The following SDK1 variants were observed in gnomAD, a reference collection of about 807,000 sequenced individuals.
SDK1 encodes sidekick cell adhesion molecule 1.
A neutral mutation model predicts 245.5 loss-of-function variants in SDK1; 157 were observed. The ratio of observed to expected loss-of-function variants is 0.64; its 90% CI spans 0.56 to 0.73. SDK1 has a LOEUF of 0.73. Among genes scored for constraint, SDK1 ranks in the 30% least tolerant of loss-of-function variants. SDK1 has a pLI of 0.00. For missense variants in SDK1, 3,583 were observed against 3,002.3 expected (o/e 1.19, Z -4.52); for synonymous variants, 1,647 against 1,278.5 (o/e 1.29, Z -6.15).
chr7:3,534,485 G>C (rs1453262204), intron 1 of SDK1, among the ~76,000 whole-genome samples: 1 of 152,062 alleles, frequency 6.6e-6, no homozygotes, highest in African/African-American at 2.4e-5. Context: ...CGGTTGTACA[G>C]TTTTGCATTC....
chr7:3,570,671 G>A (rs10227320), intron 1 of SDK1, among the ~76,000 whole-genome samples: 90,254 of 152,070 alleles, frequency 0.59, 27,236 homozygotes, highest in South Asian at 0.72. Flanking sequence ...TTATGTCACA[G>A]TCGCAGATGG....
At chr7:3,354,243 C>T (rs939884933) in intron 1 of SDK1, among the ~76,000 whole-genome samples, 1 of 151,828 alleles carries the variant, frequency 6.6e-6, no homozygotes, top group African/African-American at 2.4e-5. Context: ...CATGATCTGC[C>T]TGCCTTGGCC....
intron 1 of SDK1, among the ~76,000 whole-genome samples, chr7:3,484,046 T>G (rs1781600083): frequency 6.6e-6 from 1 of 152,208 alleles, no homozygotes; most frequent in Non-Finnish European, 1.5e-5. Context: ...CATTTATCAT[T>G]TCTGTGTGTT....
chr7:3,447,699 C>CT (rs56137514), intron 1 of SDK1, among the ~76,000 whole-genome samples: 2,098 of 89,512 alleles, frequency 0.023, 44 homozygotes, highest in East Asian at 0.061. Context: ...GCTTATATAT[C>CT]TTTTTTTTTT....
intron 5 of SDK1, among the ~76,000 whole-genome samples, chr7:3,926,160 A>G (rs1161120141): frequency 6.6e-6 from 1 of 152,182 alleles, no homozygotes; most frequent in African/African-American, 2.4e-5. Flanking sequence ...CTACAGAAGC[A>G]TGCATTCCCG....
Position 4,265,881 on chromosome 7 carries a change from A to G in SDK1, c.*497A>G, listed in dbSNP as rs1228233509. ...GCGGCTCCTGGGGTTTGAAGAGCAA[A>G]CGTTTTTCCCTGGGCTCAGTGCGTT... is the stretch of plus-strand genomic sequence containing the variant. On this transcript the variant is annotated 3_prime_UTR_variant, in exon 45 of 45. Coordinates refer to ENST00000404826, the MANE Select transcript of SDK1 (RefSeq NM_152744.4). 8.1e-6 allele frequency: 8 copies of G among 987,188 alleles called. No homozygotes were observed. Among genetic ancestry groups the G allele is most frequent in the Non-Finnish European group, 8.4e-6 (7 of 831,414 alleles). 61.2% of individuals were successfully genotyped at this position (987,188 alleles called of 1,614,324 possible).
rs199532162 is a variant in SDK1, at chr7:3,387,252, G to T, written c.298+85368G>T. Among the ~76,000 whole-genome samples, 74 of 152,120 alleles carry T rather than the reference G, an allele frequency of 4.9e-4. 1 individual carries two copies. The East Asian group carries it at 9.7e-3, about 20-fold the overall frequency. On this transcript the variant is annotated intron_variant, in intron 1 of 44. Coordinates refer to ENST00000404826, the MANE Select transcript of SDK1 (RefSeq NM_152744.4). ...CTAGTTCTCCCTTTACCTTCAGAAG[G>T]CATAGAGCACCTTTAATAGCCCTCC...
chr7:3,508,014 C>T (rs1782449259), intron 1 of SDK1, among the ~76,000 whole-genome samples: 1 of 152,124 alleles, frequency 6.6e-6, no homozygotes, highest in African/African-American at 2.4e-5. Context: ...TTCCTGACCC[C>T]ATATTTTCTA....
At chr7:3,764,354 G>A (rs1050481063) in intron 4 of SDK1, among the ~76,000 whole-genome samples, 4 of 151,988 alleles carry the variant, frequency 2.6e-5, no homozygotes, top group Non-Finnish European at 5.9e-5. Context: ...TTTAATCATG[G>A]CCCTATTATT....
chr7:4,242,472 C>T (rs1562473245), intron 43 of SDK1, among the ~76,000 whole-genome samples: 1 of 152,108 alleles, frequency 6.6e-6, no homozygotes. Flanking sequence ...GTTTCCCAAA[C>T]AAGAGAGGGG....
chr7:4,108,158 C>G (rs1457860120), intron 22 of SDK1, among the ~76,000 whole-genome samples: 1 of 152,152 alleles, frequency 6.6e-6, no homozygotes, highest in Non-Finnish European at 1.5e-5. Flanking sequence ...TGGTTCCAGT[C>G]TCAGCATTGT....
chr7:4,235,979 C>G (rs1786139573), intron 41 of SDK1, among the ~76,000 whole-genome samples: 1 of 152,260 alleles, frequency 6.6e-6, no homozygotes, highest in Admixed American at 6.5e-5. Flanking sequence ...ATGCGTCAGA[C>G]TTGCCGCATG....
At chr7:3,504,265 C>CGTCGTT (rs559796677) in intron 1 of SDK1, among the ~76,000 whole-genome samples, 31 of 146,544 alleles carry the variant, frequency 2.1e-4, no homozygotes, top group African/African-American at 6.3e-4. Flanking sequence ...CTGTTGTTGT[C>CGTCGTT]GTTGTTGTTG....
At chr7:4,205,648 T>C (rs998593450) in intron 35 of SDK1, among the ~76,000 whole-genome samples, 1 of 152,242 alleles carries the variant, frequency 6.6e-6, no homozygotes, top group Non-Finnish European at 1.5e-5. Context: ...GAAGGATTTG[T>C]GGTCTTCCCT....
At chr7:3,811,442 C>A (rs572170958) in intron 4 of SDK1, among the ~76,000 whole-genome samples, 19 of 152,216 alleles carry the variant, frequency 1.2e-4, no homozygotes, top group Non-Finnish European at 2.2e-4. Flanking sequence ...TAGATTTTAA[C>A]TTTAAGTCAG....
chr7:3,486,187 G>A (rs1781688769), intron 1 of SDK1, among the ~76,000 whole-genome samples: 1 of 151,780 alleles, frequency 6.6e-6, no homozygotes, highest in Non-Finnish European at 1.5e-5. Context: ...CATTCTTCTA[G>A]TATCTGTTTT....
intron 1 of SDK1, among the ~76,000 whole-genome samples, chr7:3,512,871 A>G (rs920683496): frequency 1.3e-5 from 2 of 151,958 alleles, no homozygotes; most frequent in Admixed American, 1.3e-4. Context: ...GCATTATGTC[A>G]TTGTAACAGG....
At chr7:3,363,142 C>G (rs6946678) in intron 1 of SDK1, among the ~76,000 whole-genome samples, 37,164 of 152,118 alleles carry the variant, frequency 0.24, 4,871 homozygotes, top group East Asian at 0.38. Flanking sequence ...TCTCCTATCT[C>G]CTTCCACACT....
chr7:4,267,653 G>A lies in SDK1; in HGVS notation c.*2269G>A, dbSNP rs1788552189. 4 of 985,370 alleles carry A rather than the reference G, an allele frequency of 4.1e-6. No homozygotes were observed. Among genetic ancestry groups the A allele is most frequent in the Non-Finnish European group, 4.8e-6 (4 of 829,960 alleles). The allele number at this position is 985,370 out of a possible 1,614,324, so 61.0% of individuals were successfully genotyped here. A position where few individuals can be genotyped will look rare whatever the true frequency, so the allele number is the denominator to read the frequency against. Reference sequence around the variant, plus strand: ...AGGATGTGGCTTTACATGCCAGGGAGAGTGTTGAGACGTCTTAGGTTGAGG... The same window carrying A: ...AGGATGTGGCTTTACATGCCAGGGAAAGTGTTGAGACGTCTTAGGTTGAGG... On this transcript the variant is annotated 3_prime_UTR_variant, in exon 45 of 45. Transcript: ENST00000404826.
Sources: gnomAD v4.1 joint callset for allele counts (sites outside exome capture counted in the v4.1 genomes callset) on GRCh38, gnomAD v4.1.1 for gene constraint, MANE v1.5 for transcripts, NCBI Gene and HGNC (gene_info 2026-07-23, HGNC 2026-07-21) for gene names.